The following EPS15L1 variants were observed in gnomAD, a reference collection of about 807,000 sequenced individuals.
The protein encoded by EPS15L1 is epidermal growth factor receptor pathway substrate 15 like 1.
A neutral mutation model predicts 117.1 loss-of-function variants in EPS15L1; 43 were observed. The observed-to-expected ratio is 0.37, with a 90% confidence interval of 0.29 to 0.47. The LOEUF is 0.47. EPS15L1 is among the 20% of genes least tolerant of loss of function. EPS15L1 has a pLI of 0.99. For synonymous variants in EPS15L1, 459 were observed against 470.5 expected, an observed-to-expected ratio of 0.98 and a Z score of 0.32; for missense variants, 981 against 1,164.0, an observed-to-expected ratio of 0.84 and a Z score of 2.29.
chr19:16,440,857 T>C lies in EPS15L1; in HGVS notation c.213+5A>G, dbSNP rs751247538. The C allele has an allele frequency of 6.2e-6, 10 of 1,613,996 alleles. No homozygotes were observed. Among genetic ancestry groups the C allele is most frequent in the East Asian group, 4.5e-5 (2 of 44,894 alleles). On this transcript the variant is annotated splice_donor_5th_base_variant and intron_variant, in intron 4 of 23. Coordinates refer to ENST00000455140, the MANE Select transcript of EPS15L1 (RefSeq NM_001258374.3). ...TCCATTTGCTCTGTGTACATGTGTATATACCTGTTTGTCCAAGAACCCTTT... is the reference window on the plus strand; with the variant it reads ...TCCATTTGCTCTGTGTACATGTGTACATACCTGTTTGTCCAAGAACCCTTT...
intron 8 of EPS15L1, among the ~76,000 whole-genome samples, chr19:16,428,480 AGAGGGAGGGAGG>A (rs201589755): frequency 5.3e-5 from 5 of 94,022 alleles, no homozygotes; most frequent in Non-Finnish European, 9.9e-5. Flanking sequence ...AGAGAGGGAG[AGAGGGAGGGAGG>A]GAGGGAGGGA....
In EPS15L1 at chr19:16,404,820, C is replaced by A. The variant is rs2092639989; in HGVS notation, c.1267-71G>T. On this transcript the variant is annotated intron_variant, in intron 13 of 23. Coordinates refer to ENST00000455140, the MANE Select transcript of EPS15L1 (RefSeq NM_001258374.3). This position sits in a 1 kb window ranked among gnomAD's most constrained non-coding sequence, Gnocchi z 4.2. ...GCATGTCCAAGATAACGGGGGGCAG[C>A]CTGGGCCAGAAGTCCAGGGGAAGCC... The A allele has an allele frequency of 1.8e-5, 28 of 1,556,000 alleles. No homozygotes were observed. Among genetic ancestry groups the A allele is most frequent in the Non-Finnish European group, 2.5e-5 (28 of 1,138,872 alleles).
chr19:16,451,036 C>G (rs527580289), intron 1 of EPS15L1, among the ~76,000 whole-genome samples: 1 of 151,948 alleles, frequency 6.6e-6, no homozygotes, highest in South Asian at 2.1e-4. Context: ...CTACAACCTC[C>G]GCCTCCCAGG....
chr19:16,434,603 G>A, intron 6 of EPS15L1, 113 bp from the exon 7 acceptor site: 1 of 1,124,718 alleles, frequency 8.9e-7, no homozygotes. Flanking sequence ...CATCACCCTT[G>A]GCTAAAAGCA....
At chr19:16,441,019 C>T in intron 3 of EPS15L1, 110 bp from the exon 4 acceptor site, 1 of 1,048,192 alleles carries the variant, frequency 9.5e-7, no homozygotes, top group South Asian at 1.3e-5. Context: ...GCAGGAGTGA[C>T]TGTCCCCAGG....
At chr19:16,400,876 G>A (rs914999428) in intron 16 of EPS15L1, 37 of 985,186 alleles carry the variant, frequency 3.8e-5, no homozygotes, top group Admixed American at 1.2e-4. Flanking sequence ...CAAGAAAACC[G>A]GTTTCTAAAA....
At chr19:16,390,674 A>G (rs1461490676) in intron 19 of EPS15L1, among the ~76,000 whole-genome samples, 1 of 152,154 alleles carries the variant, frequency 6.6e-6, no homozygotes, top group Non-Finnish European at 1.5e-5. Flanking sequence ...AAAAATCAAT[A>G]ATAATAGTAT....
chr19:16,376,386 C>T (rs978181557), intron 22 of EPS15L1, among the ~76,000 whole-genome samples: 17 of 152,192 alleles, frequency 1.1e-4, no homozygotes, highest in Admixed American at 1.3e-4. Context: ...CTCTGTCATA[C>T]GAGAGAAATC....
In EPS15L1 at chr19:16,403,880, G is replaced by T. The variant is rs753135786; in HGVS notation, c.1479C>A (p.Ser493=). The T allele has an allele frequency of 3.7e-6, 6 of 1,614,054 alleles. No homozygotes were observed. The highest frequency in any genetic ancestry group is 3.3e-5 in the South Asian group (3 of 91,076). Residue 493 remains serine, a synonymous_variant, in exon 15 of 24, where the codon TCC becomes TCA. Transcript: ENST00000455140. The stretch of plus-strand genomic sequence containing the variant: ...TGGCTCGGTTCAGATCGTCTTCCTG[G>T]GACTTTAAGTCAGATTCCTGAGATT... ...QIQSQESDLK[S]QEDDLNRAKS...
At chr19:16,424,428 C>A (rs1172738880) in intron 9 of EPS15L1, among the ~76,000 whole-genome samples, 1 of 151,820 alleles carries the variant, frequency 6.6e-6, no homozygotes, top group East Asian at 1.9e-4. Flanking sequence ...CGCTGGGTGA[C>A]CTGTGCCTAC....
intron 1 of EPS15L1, among the ~76,000 whole-genome samples, chr19:16,443,999 G>A (rs1377417165): frequency 1.4e-5 from 2 of 144,678 alleles, no homozygotes; most frequent in Non-Finnish European, 3.0e-5. Context: ...GGGAGGCAGA[G>A]ATTGCAGTGA....
rs1251050357 is a variant in EPS15L1, at chr19:16,377,194, AG to A, written c.2307del (p.Phe770LeufsTer30). 1 of 1,613,148 alleles carries A rather than the reference AG, an allele frequency of 6.2e-7. No individual in the cohort carries two copies. The highest frequency in any genetic ancestry group is 1.1e-5 in the South Asian group (1 of 90,928). ...SLGGAGFSDD[P>X]FKSKQDTPAL... ...GCAGGAGTGTCCTGTTTACTTTTAA[AG>A]GGGTCATCTGAGAATCCTGCCCCTC... On this transcript the variant is annotated frameshift_variant, in exon 22 of 24. Transcript: ENST00000455140. LOFTEE classifies it high-confidence loss of function.
intron 23 of EPS15L1, among the ~76,000 whole-genome samples, chr19:16,358,773 C>T (rs2092015112): frequency 6.6e-6 from 1 of 152,240 alleles, no homozygotes; most frequent in Non-Finnish European, 1.5e-5. Flanking sequence ...TAGCCACTTC[C>T]CATTCATTCA....
At chr19:16,452,859 C>T (rs1000873611) in intron 1 of EPS15L1, among the ~76,000 whole-genome samples, 4 of 151,890 alleles carry the variant, frequency 2.6e-5, no homozygotes, top group Non-Finnish European at 4.4e-5. Context: ...CGCAGTGGCA[C>T]GATCTTGGCT....
chr19:16,454,512 T>C (rs993776228), intron 1 of EPS15L1, among the ~76,000 whole-genome samples: 19 of 152,116 alleles, frequency 1.2e-4, no homozygotes, highest in Admixed American at 3.3e-4. Context: ...TAGAAAGATG[T>C]GCAAGGAAAA....
chr19:16,468,618 T>G (rs1312126536), intron 1 of EPS15L1, among the ~76,000 whole-genome samples: 2 of 152,184 alleles, frequency 1.3e-5, no homozygotes, highest in Non-Finnish European at 2.9e-5. Flanking sequence ...AGTGCTGGGA[T>G]TATAGGCATG....
chr19:16,411,781 C>G (rs1217942472), intron 13 of EPS15L1, among the ~76,000 whole-genome samples: 1 of 152,164 alleles, frequency 6.6e-6, no homozygotes, highest in Admixed American at 6.5e-5. Context: ...CTCACTACTG[C>G]CTTAAACTCC....
chr19:16,356,287 C>A, intron 23 of EPS15L1: 1 of 179,364 alleles, frequency 5.6e-6, no homozygotes, highest in Non-Finnish European at 1.2e-5. Flanking sequence ...AGCTCTGAGA[C>A]CCTCTGAGGG....
In EPS15L1 at chr19:16,365,303, A is replaced by T. The variant is rs2144647598; in HGVS notation, c.2381-3319T>A. On this transcript the variant is annotated intron_variant, in intron 22 of 23. Coordinates refer to ENST00000455140, the MANE Select transcript of EPS15L1 (RefSeq NM_001258374.3). This position sits in a 1 kb window ranked among gnomAD's most constrained non-coding sequence, Gnocchi z 4.9. Reference sequence around the variant, plus strand: ...TCAAGTCCTAACCCCTGTGCCTTAGAATATAACCATACTTGAAGATAGCAT... The same window carrying T: ...TCAAGTCCTAACCCCTGTGCCTTAGTATATAACCATACTTGAAGATAGCAT... Among the ~76,000 whole-genome samples the T allele has an allele frequency of 6.6e-6, 1 of 152,312 alleles. No homozygotes were observed. Among genetic ancestry groups the T allele is most frequent in the Middle Eastern group, 3.4e-3 (1 of 294 alleles).
Sources: gnomAD v4.1 joint callset for allele counts (sites outside exome capture counted in the v4.1 genomes callset) on GRCh38, gnomAD v4.1.1 for gene constraint, Gnocchi (gnomAD v3.1) non-coding constraint, MANE v1.5 for transcripts, NCBI Gene and HGNC (gene_info 2026-07-23, HGNC 2026-07-21) for gene names.